Variants in PSD3 observed in about 807,000 individuals in gnomAD.
The protein encoded by PSD3 is PH and SEC7 domain-containing protein 3.
A neutral mutation model predicts 105.5 loss-of-function variants in PSD3; 49 were observed. The observed-to-expected ratio is 0.46, with a 90% CI of 0.37 to 0.59. PSD3 has a LOEUF of 0.59. PSD3 is among the 20% of genes least tolerant of loss of function. PSD3 has a pLI of 0.00. For synonymous variants in PSD3, 557 were observed against 457.8 expected, an observed-to-expected ratio of 1.22 and a Z score of -2.77; for missense variants, 1,561 against 1,263.8, an observed-to-expected ratio of 1.24 and a Z score of -3.57.
intron 8 of PSD3, among the ~76,000 whole-genome samples, chr8:18,795,776 G>A (rs1490862944): frequency 6.6e-6 from 1 of 152,202 alleles, no homozygotes; most frequent in Non-Finnish European, 1.5e-5. Context: ...GATCCATCCA[G>A]AAAGGGAGTA....
At chr8:19,073,251 C>T (rs1303603916) in intron 1 of PSD3, among the ~76,000 whole-genome samples, 1 of 152,196 alleles carries the variant, frequency 6.6e-6, no homozygotes, top group African/African-American at 2.4e-5. Context: ...GGTCAGGCTT[C>T]ATGATTAAGA....
chr8:18,594,845 C>A (rs932743406), intron 12 of PSD3, among the ~76,000 whole-genome samples: 1 of 152,090 alleles, frequency 6.6e-6, no homozygotes, highest in Non-Finnish European at 1.5e-5. Context: ...ACATAGTACT[C>A]AGCATGTAGA....
At chr8:19,001,158 G>A (rs1826362717) in intron 1 of PSD3, among the ~76,000 whole-genome samples, 1 of 151,206 alleles carries the variant, frequency 6.6e-6, no homozygotes, top group African/African-American at 2.4e-5. Context: ...GCAGTGATGT[G>A]ATCACAACTC....
At chr8:18,640,632 C>T (rs779454388) in intron 10 of PSD3, among the ~76,000 whole-genome samples, 27 of 152,172 alleles carry the variant, frequency 1.8e-4, no homozygotes, top group African/African-American at 2.9e-4. Flanking sequence ...CCCACCTCTG[C>T]GGAACTGTGA....
intron 4 of PSD3, among the ~76,000 whole-genome samples, chr8:18,817,965 T>C (rs1247019051): frequency 1.3e-5 from 2 of 152,172 alleles, no homozygotes; most frequent in Non-Finnish European, 2.9e-5. Context: ...TTGGTTTTGG[T>C]TTTTTTGAGA....
intron 1 of PSD3, among the ~76,000 whole-genome samples, chr8:19,068,450 T>A (rs1829148173): frequency 6.6e-6 from 1 of 152,100 alleles, no homozygotes; most frequent in African/African-American, 2.4e-5. Flanking sequence ...CCACAATGTC[T>A]GGATAATTTT....
At chr8:19,077,592 A>T (rs1829500592) in intron 1 of PSD3, among the ~76,000 whole-genome samples, 1 of 152,186 alleles carries the variant, frequency 6.6e-6, no homozygotes, top group Admixed American at 6.5e-5. Flanking sequence ...GAGAGTTGTC[A>T]GCTAAGAGTG....
intron 9 of PSD3, among the ~76,000 whole-genome samples, chr8:18,762,294 C>G (rs981350774): frequency 6.6e-6 from 1 of 152,106 alleles, no homozygotes; most frequent in African/African-American, 2.4e-5. Flanking sequence ...CTGCTCCGGC[C>G]ACTTAAGATG....
chr8:19,040,276 C>T (rs1203393679), intron 1 of PSD3, among the ~76,000 whole-genome samples: 2 of 152,148 alleles, frequency 1.3e-5, no homozygotes, highest in African/African-American at 4.8e-5. Flanking sequence ...GATCTTCGCT[C>T]ACTGCAGCCT....
chr8:18,651,337 G>C (rs1280500490), intron 10 of PSD3, among the ~76,000 whole-genome samples: 1 of 152,210 alleles, frequency 6.6e-6, no homozygotes, highest in African/African-American at 2.4e-5. Context: ...ATTCTATCGT[G>C]ATTTCCTCTA....
intron 4 of PSD3, among the ~76,000 whole-genome samples, chr8:18,850,240 T>C (rs1467182049): frequency 6.6e-6 from 1 of 152,180 alleles, no homozygotes. Context: ...CCCAAAGGGA[T>C]TGTTGCCTCA....
At chr8:18,909,401 G>A (rs1820057258) in intron 2 of PSD3, among the ~76,000 whole-genome samples, 1 of 152,130 alleles carries the variant, frequency 6.6e-6, no homozygotes, top group South Asian at 2.1e-4. Flanking sequence ...TAAAGGCACA[G>A]ATAACTTAGC....
intron 1 of PSD3, among the ~76,000 whole-genome samples, chr8:18,985,145 G>A (rs1283138221): frequency 2.0e-5 from 3 of 152,164 alleles, no homozygotes; most frequent in African/African-American, 7.2e-5. Flanking sequence ...TGTTGGCCAG[G>A]TTGGTCTCGA....
At chr8:18,908,731 G>A (rs548375984) in intron 2 of PSD3, among the ~76,000 whole-genome samples, 4 of 152,086 alleles carry the variant, frequency 2.6e-5, no homozygotes, top group Admixed American at 1.3e-4. Flanking sequence ...ATGGTTCCTC[G>A]TATGAATGTT....
chr8:18,757,705 C>A (rs1051713645), intron 9 of PSD3, among the ~76,000 whole-genome samples: 2 of 152,260 alleles, frequency 1.3e-5, no homozygotes, highest in Non-Finnish European at 2.9e-5. Flanking sequence ...CATCTTTCCA[C>A]TTCCACTTTC....
intron 9 of PSD3, among the ~76,000 whole-genome samples, chr8:18,695,122 A>T (rs535055524): frequency 6.6e-6 from 1 of 152,204 alleles, no homozygotes; most frequent in Non-Finnish European, 1.5e-5. Context: ...TTTAGACTAA[A>T]GATCCCTAGC....
At chr8:18,946,425 A>T (rs948616519) in intron 1 of PSD3, among the ~76,000 whole-genome samples, 1 of 152,096 alleles carries the variant, frequency 6.6e-6, no homozygotes, top group African/African-American at 2.4e-5. Flanking sequence ...AATAAAAAAT[A>T]AAAAAATCAG....
chr8:18,698,458 A>C (rs1801387709), intron 9 of PSD3, among the ~76,000 whole-genome samples: 1 of 152,108 alleles, frequency 6.6e-6, no homozygotes, highest in South Asian at 2.1e-4. Context: ...GTTCAGAGTC[A>C]GAGAAGACGG....
rs141999422 is a variant in PSD3 at position 18,955,413 on chromosome 8, T to A, written c.22-19271A>T. On this transcript the variant is annotated intron_variant, in intron 1 of 15. Transcript: ENST00000327040. ...ACCACAGGGCCTGTCTTTGTCTATT[T>A]TAATAATATAATTGTTAATGTTGAT... Among the ~76,000 whole-genome samples the A allele has an allele frequency of 2.0e-5, 3 of 152,330 alleles. No homozygotes were observed. The East Asian group carries it at 5.8e-4, about 29-fold the overall frequency.
Sources: allele counts gnomAD v4.1 joint callset (sites outside exome capture counted in the v4.1 genomes callset), GRCh38; gene constraint gnomAD v4.1.1; transcripts MANE v1.5; gene names NCBI Gene and HGNC (gene_info 2026-07-23, HGNC 2026-07-21).